Variants in SDCCAG8 observed in about 807,000 individuals in gnomAD.
SDCCAG8 encodes serologically defined colon cancer antigen 8.
Under a neutral mutation model 101.8 loss-of-function variants are expected in SDCCAG8, and 74 were observed. The ratio of observed to expected loss-of-function variants is 0.73; its 90% CI spans 0.60 to 0.88. SDCCAG8 has a LOEUF of 0.88. Among genes scored for constraint, SDCCAG8 ranks in the 40% least tolerant of loss-of-function variants. The pLI, the probability that SDCCAG8 is intolerant of heterozygous loss-of-function variation, is 0.00. For synonymous variants in SDCCAG8, 281 were observed against 292.9 expected (o/e 0.96, Z 0.41); for missense variants, 787 against 822.6 (o/e 0.96, Z 0.53).
intron 16 of SDCCAG8, among the ~76,000 whole-genome samples, chr1:243,437,208 A>G (rs1414744536): frequency 6.6e-6 from 1 of 152,216 alleles, no homozygotes; most frequent in Non-Finnish European, 1.5e-5. Flanking sequence ...TAAACATTGA[A>G]TATTAAATGT....
At chr1:243,372,054 C>T (rs551522053) in intron 12 of SDCCAG8, among the ~76,000 whole-genome samples, 1 of 152,146 alleles carries the variant, frequency 6.6e-6, no homozygotes, top group Non-Finnish European at 1.5e-5. Context: ...TACTAAATTT[C>T]CAATGAGTTC....
chr1:243,271,071 T>C lies in SDCCAG8; in HGVS notation c.306+8T>C, dbSNP rs755109862. ...AGAAAAATGTCCCCCTTGGTAAGTA[T>C]CAACTTTTCCAAGTTGACAAAGCAT... On this transcript the variant is annotated splice_region_variant and intron_variant, in intron 3 of 17. Coordinates refer to ENST00000366541, the MANE Select transcript of SDCCAG8 (RefSeq NM_006642.5). 15 of 1,581,674 alleles carry C rather than the reference T, an allele frequency of 9.5e-6. No homozygotes were observed. Among genetic ancestry groups the C allele is most frequent in the Non-Finnish European group, 1.3e-5 (15 of 1,150,588 alleles).
chr1:243,396,746 T>C (rs1450204994), intron 13 of SDCCAG8, among the ~76,000 whole-genome samples: 2 of 152,208 alleles, frequency 1.3e-5, no homozygotes, highest in Admixed American at 6.5e-5. Context: ...AAAATACATA[T>C]CAGCTGTCTG....
intron 13 of SDCCAG8, among the ~76,000 whole-genome samples, chr1:243,404,696 C>T (rs1324300208): frequency 6.6e-6 from 1 of 152,032 alleles, no homozygotes; most frequent in Non-Finnish European, 1.5e-5. Flanking sequence ...AAATGGACTA[C>T]AGTGGTCTTG....
intron 13 of SDCCAG8, among the ~76,000 whole-genome samples, chr1:243,401,638 C>T (rs1288216090): frequency 6.6e-6 from 1 of 151,712 alleles, no homozygotes; most frequent in Non-Finnish European, 1.5e-5. Context: ...AATTTGCCAG[C>T]TTGGCTGTAT....
chr1:243,441,662 G>T (rs12144227), intron 16 of SDCCAG8, among the ~76,000 whole-genome samples: 1 of 152,074 alleles, frequency 6.6e-6, no homozygotes, highest in African/African-American at 2.4e-5. Context: ...GAAAACTCTA[G>T]GTTTGTTAAA....
intron 15 of SDCCAG8, among the ~76,000 whole-genome samples, chr1:243,425,996 A>G (rs2081315279): frequency 6.6e-6 from 1 of 152,254 alleles, no homozygotes; most frequent in African/African-American, 2.4e-5. Flanking sequence ...TAACCATTAA[A>G]GAACTATTTT....
intron 16 of SDCCAG8, among the ~76,000 whole-genome samples, chr1:243,484,099 G>C (rs543791436): frequency 1.3e-5 from 2 of 152,164 alleles, no homozygotes; most frequent in Non-Finnish European, 2.9e-5. Context: ...CCTCGGACTC[G>C]CCCTGACCCC....
chr1:243,451,531 G>A (rs956966119), intron 16 of SDCCAG8, among the ~76,000 whole-genome samples: 1 of 152,064 alleles, frequency 6.6e-6, no homozygotes, highest in Non-Finnish European at 1.5e-5. Flanking sequence ...ATCCAGTTCT[G>A]CCACAACTCT....
intron 13 of SDCCAG8, among the ~76,000 whole-genome samples, chr1:243,401,871 GA>G (rs1468342902): frequency 6.6e-6 from 1 of 152,110 alleles, no homozygotes; most frequent in Admixed American, 6.6e-5. Flanking sequence ...AATTAAATGA[GA>G]AACTTATCAA....
At chr1:243,375,122 A>T (rs1175023720) in intron 12 of SDCCAG8, among the ~76,000 whole-genome samples, 2 of 152,136 alleles carry the variant, frequency 1.3e-5, no homozygotes, top group Non-Finnish European at 2.9e-5. Flanking sequence ...ATATGGGAGC[A>T]TGAGGTGGGT....
At position 243,346,512 on chromosome 1, in the gene SDCCAG8, G is replaced by C. The variant is rs964352097; in HGVS notation, c.1473+2181G>C. Among the ~76,000 whole-genome samples, 12 of 152,194 alleles carry C rather than the reference G, an allele frequency of 7.9e-5. No homozygotes were observed. The South Asian group carries it at 2.5e-3, about 32-fold the overall frequency. ...AAGTGGGTGGGAAACTGTGAGATTGGAATGTGTGAGAACAACAGCTTTTTT... is the reference window on the plus strand; with the variant it reads ...AAGTGGGTGGGAAACTGTGAGATTGCAATGTGTGAGAACAACAGCTTTTTT... On this transcript the variant is annotated intron_variant, in intron 12 of 17. Coordinates refer to ENST00000366541, the MANE Select transcript of SDCCAG8 (RefSeq NM_006642.5).
chr1:243,279,922 G>A (rs1456091138), intron 4 of SDCCAG8, among the ~76,000 whole-genome samples: 1 of 152,112 alleles, frequency 6.6e-6, no homozygotes, highest in African/African-American at 2.4e-5. Context: ...CTCATAAAAT[G>A]AGTTAGGAAA....
chr1:243,316,718 T>C, intron 8 of SDCCAG8, 37 bp from the exon 9 acceptor site: 12 of 1,613,734 alleles, frequency 7.4e-6, no homozygotes, highest in Non-Finnish European at 1.0e-5. Context: ...GATCGTTTGA[T>C]CATTTCTTGT....
At chr1:243,309,020 C>T (rs890571812) in intron 8 of SDCCAG8, among the ~76,000 whole-genome samples, 1 of 152,192 alleles carries the variant, frequency 6.6e-6, no homozygotes, top group African/African-American at 2.4e-5. Flanking sequence ...AGGTTCCTTT[C>T]TTCTGTGGTC....
At chr1:243,285,799 A>G (rs1446513814) in intron 4 of SDCCAG8, among the ~76,000 whole-genome samples, 2 of 152,108 alleles carry the variant, frequency 1.3e-5, no homozygotes, top group Non-Finnish European at 2.9e-5. Flanking sequence ...TTTTACTACA[A>G]TTCTCTCTTA....
intron 9 of SDCCAG8, among the ~76,000 whole-genome samples, chr1:243,324,705 T>C (rs1450974391): frequency 6.6e-6 from 1 of 152,144 alleles, no homozygotes; most frequent in Non-Finnish European, 1.5e-5. Flanking sequence ...TTCATCTAAT[T>C]CCAGCATACT....
chr1:243,442,052 T>A (rs1190316665), intron 16 of SDCCAG8, among the ~76,000 whole-genome samples: 3 of 152,204 alleles, frequency 2.0e-5, no homozygotes, highest in African/African-American at 7.2e-5. Context: ...AAACTTCGTA[T>A]TTTTACAAAA....
At chr1:243,368,019 G>A (rs2077079197) in intron 12 of SDCCAG8, among the ~76,000 whole-genome samples, 1 of 151,644 alleles carries the variant, frequency 6.6e-6, no homozygotes, top group South Asian at 2.1e-4. Context: ...TTCAAGACCA[G>A]CCTGGGCAAC....
Sources: allele counts gnomAD v4.1 joint callset (sites outside exome capture counted in the v4.1 genomes callset), GRCh38; gene constraint gnomAD v4.1.1; transcripts MANE v1.5; gene names NCBI Gene and HGNC (gene_info 2026-07-23, HGNC 2026-07-21).